The following NKAIN2 variants were observed in gnomAD, a reference collection of about 807,000 sequenced individuals.
NKAIN2 encodes the protein sodium/potassium-transporting ATPase subunit beta-1-interacting protein 2.
A neutral mutation model predicts 32.6 loss-of-function variants in NKAIN2; 14 were observed. The ratio of observed to expected loss-of-function variants is 0.43; its 90% CI spans 0.28 to 0.67. The LOEUF (loss-of-function observed/expected upper bound fraction) is 0.67. NKAIN2 is among the 30% of genes least tolerant of loss of function. The probability of loss-of-function intolerance (pLI) is 0.17; values close to 1 mark genes in which losing one functional copy is unlikely to be tolerated. For synonymous variants in NKAIN2, 80 were observed against 87.2 expected, an observed-to-expected ratio of 0.92 and a Z score of 0.46; for missense variants, 198 against 258.3, an observed-to-expected ratio of 0.77 and a Z score of 1.60.
intron 2 of NKAIN2, among the ~76,000 whole-genome samples, chr6:124,342,635 G>A: frequency 6.6e-6 from 1 of 151,634 alleles, no homozygotes; most frequent in African/African-American, 2.4e-5. Flanking sequence ...AGCCTCCTGA[G>A]TAGCTGGGAT....
intron 3 of NKAIN2, among the ~76,000 whole-genome samples, chr6:124,584,287 A>G (rs1006696812): frequency 2.6e-5 from 4 of 152,218 alleles, no homozygotes; most frequent in African/African-American, 9.6e-5. Flanking sequence ...AAACTAAAAA[A>G]ATTAAATAGG....
At chr6:124,719,652 C>T (rs182474619) in intron 4 of NKAIN2, among the ~76,000 whole-genome samples, 2 of 151,652 alleles carry the variant, frequency 1.3e-5, no homozygotes, top group Non-Finnish European at 2.9e-5. Flanking sequence ...AAACAGCTTT[C>T]TTCTCCTAGA....
At chr6:124,362,722 A>G (rs944959657) in intron 3 of NKAIN2, among the ~76,000 whole-genome samples, 1 of 152,200 alleles carries the variant, frequency 6.6e-6, no homozygotes, top group Non-Finnish European at 1.5e-5. Flanking sequence ...AAAATGATTT[A>G]TTATCATCCC....
At chr6:124,643,790 G>GT (rs1784073595) in intron 3 of NKAIN2, among the ~76,000 whole-genome samples, 1 of 152,076 alleles carries the variant, frequency 6.6e-6, no homozygotes, top group South Asian at 2.1e-4. Flanking sequence ...AAAGAAGAAG[G>GT]TAATAGAAAA....
At chr6:124,211,089 C>T (rs802242) in intron 1 of NKAIN2, among the ~76,000 whole-genome samples, 121,589 of 151,132 alleles carry the variant, frequency 0.8, 49,150 homozygotes, top group South Asian at 0.86. Context: ...GTGACATTGG[C>T]AAAAATGACT....
At chr6:124,531,774 G>A (rs934654381) in intron 3 of NKAIN2, among the ~76,000 whole-genome samples, 5 of 152,150 alleles carry the variant, frequency 3.3e-5, no homozygotes, top group African/African-American at 1.2e-4. Context: ...TGGTTCAAGC[G>A]ATTCTCGTGC....
chr6:124,084,641 C>CGGG (rs1784113440), intron 1 of NKAIN2, among the ~76,000 whole-genome samples: 1 of 151,844 alleles, frequency 6.6e-6, no homozygotes, highest in African/African-American at 2.4e-5. Context: ...TCACTTTATC[C>CGGG]AGGAAAGTCC....
At chr6:124,018,872 A>G (rs1357536359) in intron 1 of NKAIN2, among the ~76,000 whole-genome samples, 1 of 151,996 alleles carries the variant, frequency 6.6e-6, no homozygotes, top group Non-Finnish European at 1.5e-5. Context: ...ACCCCTTTCT[A>G]CCAGTACCAA....
intron 1 of NKAIN2, among the ~76,000 whole-genome samples, chr6:123,920,219 C>T (rs1775686399): frequency 6.6e-6 from 1 of 152,050 alleles, no homozygotes; most frequent in Non-Finnish European, 1.5e-5. Context: ...AAAAGAAGTA[C>T]ATGAAATCAG....
chr6:124,653,053 A>G (rs1784419953), intron 3 of NKAIN2, among the ~76,000 whole-genome samples: 1 of 152,228 alleles, frequency 6.6e-6, no homozygotes, highest in South Asian at 2.1e-4. Flanking sequence ...ATGGATAGAA[A>G]GACTCAAGAT....
At chr6:123,804,382 G>A (rs1192682530) in intron 1 of NKAIN2, 128 bp downstream of exon 1, 8 of 822,364 alleles carry the variant, frequency 9.7e-6, no homozygotes, top group Middle Eastern at 2.3e-4. Context: ...CAGATATATT[G>A]CCTATATTGA....
chr6:124,250,411 A>G (rs1793643880), intron 1 of NKAIN2, among the ~76,000 whole-genome samples: 2 of 152,108 alleles, frequency 1.3e-5, no homozygotes, highest in Admixed American at 6.6e-5. Context: ...CCATAATAAA[A>G]CTATGGACTC....
intron 3 of NKAIN2, among the ~76,000 whole-genome samples, chr6:124,441,698 A>C (rs1423982979): frequency 2.6e-5 from 4 of 152,092 alleles, no homozygotes; most frequent in African/African-American, 4.8e-5. Flanking sequence ...TGTGCAGTGA[A>C]GCAGAGAAGT....
intron 4 of NKAIN2, among the ~76,000 whole-genome samples, chr6:124,700,383 TGA>T (rs1362408679): frequency 6.6e-6 from 1 of 152,182 alleles, no homozygotes; most frequent in Non-Finnish European, 1.5e-5. Flanking sequence ...CTCAAAGTGT[TGA>T]GTTACATCAG....
At chr6:124,652,795 G>A (rs1784411765) in intron 3 of NKAIN2, among the ~76,000 whole-genome samples, 1 of 152,102 alleles carries the variant, frequency 6.6e-6, no homozygotes, top group African/African-American at 2.4e-5. Flanking sequence ...TGATAATGAA[G>A]CCCCACACAC....
chr6:124,379,271 AAGG>A (rs368617496), intron 3 of NKAIN2, among the ~76,000 whole-genome samples: 65 of 65,322 alleles, frequency 1.0e-3, no homozygotes, highest in African/African-American at 1.0e-3. Flanking sequence ...AGAGGAGAGA[AAGG>A]AGGAGAGAGG....
intron 1 of NKAIN2, among the ~76,000 whole-genome samples, chr6:123,904,144 T>A (rs1774739477): frequency 6.6e-6 from 1 of 151,984 alleles, no homozygotes; most frequent in Admixed American, 6.6e-5. Context: ...GGCAGGCGAA[T>A]TGCTTGAACC....
intron 3 of NKAIN2, among the ~76,000 whole-genome samples, chr6:124,590,980 C>A (rs889743966): frequency 6.6e-6 from 1 of 152,086 alleles, no homozygotes; most frequent in Non-Finnish European, 1.5e-5. Flanking sequence ...AGAGAGACAC[C>A]ATGTATATCA....
At chr6:123,998,697 A>G (rs1779740584) in intron 1 of NKAIN2, among the ~76,000 whole-genome samples, 1 of 151,560 alleles carries the variant, frequency 6.6e-6, no homozygotes, top group African/African-American at 2.4e-5. Flanking sequence ...CTAACTGTCC[A>G]TTGACAGATA....
Sources: gnomAD v4.1 joint callset for allele counts (sites outside exome capture counted in the v4.1 genomes callset) on GRCh38, gnomAD v4.1.1 for gene constraint, MANE v1.5 for transcripts, NCBI Gene and HGNC (gene_info 2026-07-23, HGNC 2026-07-21) for gene names.